Variants in KCNN2 observed in about 807,000 individuals in gnomAD.
KCNN2 encodes potassium calcium-activated channel subfamily N member 2, also known as small conductance calcium-activated potassium channel protein 2.
In KCNN2, 24 loss-of-function variants were observed where a neutral mutation model predicts 55.5. The ratio of observed to expected loss-of-function variants is 0.43; its 90% CI spans 0.31 to 0.61. The LOEUF (loss-of-function observed/expected upper bound fraction) is 0.61. Among genes scored for constraint, KCNN2 ranks in the 20% least tolerant of loss-of-function variants. KCNN2 has a pLI of 0.08. For missense variants in KCNN2, 754 were observed against 853.6 expected (o/e 0.88, Z 1.45); for synonymous variants, 431 against 336.1 (o/e 1.28, Z -3.09).
At chr5:114,114,310 C>G (rs914298801) in intron 1 of KCNN2, among the ~76,000 whole-genome samples, 1 of 152,096 alleles carries the variant, frequency 6.6e-6, no homozygotes, top group Admixed American at 6.6e-5. Context: ...CTCACTGTAA[C>G]CATGAACTCC....
chr5:114,251,562 T>C (rs1198178691), intron 2 of KCNN2, among the ~76,000 whole-genome samples: 1 of 152,218 alleles, frequency 6.6e-6, no homozygotes, highest in Non-Finnish European at 1.5e-5. Context: ...TCTTTCCAAA[T>C]GCTGTTCAAT....
chr5:114,282,067 T>A (rs1403399488), intron 2 of KCNN2, among the ~76,000 whole-genome samples: 1 of 152,148 alleles, frequency 6.6e-6, no homozygotes, highest in Non-Finnish European at 1.5e-5. Context: ...TGTATTTGTG[T>A]CTTCTTGTAT....
chr5:114,409,640 TA>T (rs1419743410), intron 3 of KCNN2, among the ~76,000 whole-genome samples: 1 of 152,192 alleles, frequency 6.6e-6, no homozygotes, highest in African/African-American at 2.4e-5. Context: ...TGGACTTTTT[TA>T]AAAGGAAAGA....
At chr5:114,088,710 C>T (rs143503834) in intron 1 of KCNN2, among the ~76,000 whole-genome samples, 18 of 152,228 alleles carry the variant, frequency 1.2e-4, no homozygotes, top group African/African-American at 4.1e-4. Context: ...ACCTCTGCCT[C>T]CTGGGTTAAG....
chr5:114,483,889 A>G lies in KCNN2; in HGVS notation c.1891-3161A>G, dbSNP rs370839236. ...TACTAAATGTTTGATGGACATCGGTAAATCCTCTCATACCACTTATCACAG... is the reference window on the plus strand; with the variant it reads ...TACTAAATGTTTGATGGACATCGGTGAATCCTCTCATACCACTTATCACAG... On this transcript the variant is annotated intron_variant, in intron 5 of 7. Transcript: ENST00000673685. 7.9e-5 allele frequency among the ~76,000 whole-genome samples: 12 copies of G among 152,246 alleles called. 1 individual carries two copies. The South Asian group carries it at 2.5e-3, about 32-fold the overall frequency.
intron 2 of KCNN2, among the ~76,000 whole-genome samples, chr5:114,330,795 C>T (rs2150032978): frequency 6.6e-6 from 1 of 152,320 alleles, no homozygotes; most frequent in East Asian, 1.9e-4. Flanking sequence ...ACTTGCTACT[C>T]ATGTGGTAAT....
At chr5:114,061,501 G>A (rs1235562715) in intron 1 of KCNN2, among the ~76,000 whole-genome samples, 1 of 152,056 alleles carries the variant, frequency 6.6e-6, no homozygotes, top group Non-Finnish European at 1.5e-5. Flanking sequence ...GAAGGCAAAA[G>A]TGTCTCATGC....
chr5:114,251,924 G>A (rs1236684452), intron 2 of KCNN2, among the ~76,000 whole-genome samples: 3 of 149,188 alleles, frequency 2.0e-5, no homozygotes, highest in Admixed American at 1.3e-4. Context: ...TGTCGCCCAG[G>A]CTGAAGTGTA....
At chr5:114,436,697 G>A (rs778681110) in intron 3 of KCNN2, among the ~76,000 whole-genome samples, 2 of 152,144 alleles carry the variant, frequency 1.3e-5, no homozygotes, top group African/African-American at 4.8e-5. Flanking sequence ...CTAAATAAAG[G>A]CATACAAGTA....
chr5:114,160,053 A>G (rs1013733154), intron 1 of KCNN2, among the ~76,000 whole-genome samples: 6 of 151,942 alleles, frequency 3.9e-5, no homozygotes, highest in South Asian at 2.1e-4. Flanking sequence ...TAGCTTTTGA[A>G]TGTGTTTGCT....
intron 3 of KCNN2, among the ~76,000 whole-genome samples, chr5:114,443,855 C>G (rs560176496): frequency 1.4e-4 from 21 of 152,150 alleles, no homozygotes; most frequent in Non-Finnish European, 2.8e-4. Context: ...CTTCTCTGCT[C>G]CTAATTTGTC....
At chr5:114,436,005 C>G (rs1359898463) in intron 3 of KCNN2, among the ~76,000 whole-genome samples, 3 of 152,102 alleles carry the variant, frequency 2.0e-5, no homozygotes, top group Non-Finnish European at 4.4e-5. Context: ...CTCTGACCAC[C>G]TTGAACTGAT....
chr5:114,216,236 A>G (rs950021766), intron 1 of KCNN2, among the ~76,000 whole-genome samples: 4 of 152,166 alleles, frequency 2.6e-5, no homozygotes, highest in Middle Eastern at 3.2e-3. Flanking sequence ...AAAGTAAATT[A>G]TTTCCTCATT....
At chr5:114,153,952 C>G (rs1752577374) in intron 1 of KCNN2, among the ~76,000 whole-genome samples, 1 of 152,162 alleles carries the variant, frequency 6.6e-6, no homozygotes, top group Non-Finnish European at 1.5e-5. Context: ...AGACAACCCT[C>G]TCCTAAGTTG....
At chr5:114,261,383 T>A (rs1164290685) in intron 2 of KCNN2, among the ~76,000 whole-genome samples, 2 of 152,098 alleles carry the variant, frequency 1.3e-5, no homozygotes, top group African/African-American at 4.8e-5. Context: ...TTTGCCCTAT[T>A]CCTACCGCCT....
chr5:114,173,389 G>A (rs1753076474), intron 1 of KCNN2, among the ~76,000 whole-genome samples: 2 of 149,704 alleles, frequency 1.3e-5, no homozygotes, highest in Admixed American at 6.7e-5. Flanking sequence ...GTTCTTTTTT[G>A]TTCAGGATAG....
At chr5:114,193,477 TA>T (rs760644707) in intron 1 of KCNN2, among the ~76,000 whole-genome samples, 78 of 152,232 alleles carry the variant, frequency 5.1e-4, no homozygotes, top group Non-Finnish European at 9.9e-4. Context: ...AGACAGATAA[TA>T]GTGTTCCAAC....
At chr5:114,436,461 T>C (rs545119380) in intron 3 of KCNN2, among the ~76,000 whole-genome samples, 430 of 152,350 alleles carry the variant, frequency 2.8e-3, no homozygotes, top group Non-Finnish European at 4.8e-3. Context: ...CTTGATTTAC[T>C]TGTATGTCAT....
intron 1 of KCNN2, among the ~76,000 whole-genome samples, chr5:114,072,216 C>A (rs952974918): frequency 3.9e-5 from 6 of 151,906 alleles, no homozygotes; most frequent in African/African-American, 1.5e-4. Context: ...TGCTGGAACC[C>A]AGGAGGCAGA....
Sources: gnomAD v4.1 joint callset for allele counts (sites outside exome capture counted in the v4.1 genomes callset) on GRCh38, gnomAD v4.1.1 for gene constraint, MANE v1.5 for transcripts, NCBI Gene and HGNC (gene_info 2026-07-23, HGNC 2026-07-21) for gene names.